SAMD15: variants seen among roughly 807,000 people sequenced by gnomAD.
SAMD15 encodes the protein sterile alpha motif domain containing 15.
SAMD15 carries 37 observed loss-of-function variants against 50.5 expected under a neutral mutation model. The observed-to-expected ratio is 0.73, with a 90% confidence interval of 0.56 to 0.96. The LOEUF (loss-of-function observed/expected upper bound fraction) is 0.96. SAMD15 is among the 40% of genes least tolerant of loss of function. The probability of loss-of-function intolerance (pLI) is 0.00; values close to 1 mark genes in which losing one functional copy is unlikely to be tolerated. For missense variants in SAMD15, 789 were observed against 783.8 expected (o/e 1.01, Z -0.08); for synonymous variants, 255 against 282.8 (o/e 0.90, Z 0.99).
At chr14:77,381,379 G>A (rs962265574) in intron 2 of SAMD15, among the ~76,000 whole-genome samples, 4 of 152,100 alleles carry the variant, frequency 2.6e-5, no homozygotes, top group Non-Finnish European at 5.9e-5. Flanking sequence ...ACAATCTCAC[G>A]TGTAACCTCT....
At chr14:77,388,257 G>A (rs7155063) in intron 2 of SAMD15, among the ~76,000 whole-genome samples, 44,649 of 151,998 alleles carry the variant, frequency 0.29, 7,224 homozygotes, top group African/African-American at 0.42. Context: ...GCATTGGAAA[G>A]GAGAATCAGG....
intron 2 of SAMD15, among the ~76,000 whole-genome samples, chr14:77,390,026 G>A (rs1306205553): frequency 3.3e-5 from 5 of 149,484 alleles, no homozygotes; most frequent in Admixed American, 1.3e-4. Context: ...ATGGAGTTTC[G>A]CTCTTGTTGC....
chr14:77,383,792 T>A (rs978479895), intron 2 of SAMD15, among the ~76,000 whole-genome samples: 50 of 152,084 alleles, frequency 3.3e-4, no homozygotes, highest in African/African-American at 1.2e-3. Context: ...ATGGTGAAAC[T>A]TCTTCTCTAC....
At chr14:77,387,660 T>TA (rs931177077) in intron 2 of SAMD15, among the ~76,000 whole-genome samples, 15 of 151,666 alleles carry the variant, frequency 9.9e-5, no homozygotes, top group South Asian at 2.1e-4. Flanking sequence ...CCAAGAGCCA[T>TA]AAAAAAAACC....
chr14:77,387,141 G>C (rs372595595), intron 2 of SAMD15, among the ~76,000 whole-genome samples: 1 of 152,164 alleles, frequency 6.6e-6, no homozygotes, highest in East Asian at 1.9e-4. Flanking sequence ...TTGTTCATCA[G>C]AACTAGAGAG....
intron 2 of SAMD15, among the ~76,000 whole-genome samples, chr14:77,382,281 C>A (rs1028033343): frequency 6.6e-6 from 1 of 151,920 alleles, no homozygotes; most frequent in African/African-American, 2.4e-5. Context: ...CGTGGCACCA[C>A]GCCCAGCTAA....
intron 2 of SAMD15, among the ~76,000 whole-genome samples, chr14:77,387,707 G>A (rs146967806): frequency 6.6e-6 from 1 of 152,168 alleles, no homozygotes; most frequent in African/African-American, 2.4e-5. Flanking sequence ...GAGGGAATAT[G>A]AGTAGATTAT....
intron 2 of SAMD15, among the ~76,000 whole-genome samples, chr14:77,389,389 G>C (rs1166021557): frequency 6.6e-6 from 1 of 151,680 alleles, no homozygotes; most frequent in East Asian, 1.9e-4. Flanking sequence ...CTGTGTTCTA[G>C]CAGCAATTCC....
intron 2 of SAMD15, among the ~76,000 whole-genome samples, chr14:77,387,442 A>G (rs1894017231): frequency 6.6e-6 from 1 of 151,040 alleles, no homozygotes; most frequent in Non-Finnish European, 1.5e-5. Context: ...TCTCAAAAAG[A>G]ATAATAACTA....
intron 1 of SAMD15, among the ~76,000 whole-genome samples, chr14:77,380,107 G>C (rs1317213396): frequency 6.6e-6 from 1 of 152,164 alleles, no homozygotes; most frequent in Non-Finnish European, 1.5e-5. Context: ...AAATTGTGCC[G>C]TTATTGGGAT....
Position 77,391,065 on chromosome 14 carries a change from T to G in SAMD15, c.1846T>G (p.Ser616Ala). The G allele has an allele frequency of 1.9e-6, 3 of 1,614,108 alleles. No homozygotes were observed. Among genetic ancestry groups the G allele is most frequent in the Non-Finnish European group, 2.5e-6 (3 of 1,179,968 alleles). The change falls in exon 3 of 3, where the codon TCC (serine) becomes GCC (alanine). Residue 616 changes from serine to alanine, a missense_variant. Physicochemically the swap from Ser to Ala is moderately conservative, Grantham distance 99. Coordinates refer to ENST00000216471, the MANE Select transcript of SAMD15 (RefSeq NM_001010860.4). ...LEIEEPLFKR[S>A]ISLPYRDIIG... ...AATTGAAGAGCCATTATTCAAACGC[T>G]CCATCAGCCTTCCCTATAGGGATAT... is the stretch of plus-strand genomic sequence containing the variant.
chr14:77,384,288 A>G (rs1180606365), intron 2 of SAMD15, among the ~76,000 whole-genome samples: 1 of 152,128 alleles, frequency 6.6e-6, no homozygotes, highest in East Asian at 1.9e-4. Context: ...TCTGAACAGC[A>G]TTGCCACTGT....
chr14:77,381,587 C>T (rs188002452), intron 2 of SAMD15, among the ~76,000 whole-genome samples: 1 of 152,300 alleles, frequency 6.6e-6, no homozygotes, highest in Non-Finnish European at 1.5e-5. Flanking sequence ...TTCATTAGGG[C>T]TGGGTAGGCC....
At chr14:77,389,349 AC>A (rs201593797) in intron 2 of SAMD15, among the ~76,000 whole-genome samples, 8 of 151,306 alleles carry the variant, frequency 5.3e-5, no homozygotes, top group Admixed American at 2.6e-4. Context: ...AAAAAAAACA[AC>A]AAAAAAGTCC....
chr14:77,391,282 A>G lies in SAMD15; in HGVS notation c.*38A>G. On this transcript the variant is annotated 3_prime_UTR_variant, in exon 3 of 3. Transcript: ENST00000216471. ...TCACAGAGCTTGAAAGATCAAACTA[A>G]ATTACTTGAGGGAAGAGGTATGGTC... The G allele has an allele frequency of 7.6e-7, 1 of 1,319,996 alleles. No individual in the cohort carries two copies. The highest frequency in any genetic ancestry group is 1.1e-6 in the Non-Finnish European group (1 of 931,190). The allele number at this position is 1,319,996 out of a possible 1,614,324, so 81.8% of individuals were successfully genotyped here.
intron 2 of SAMD15, among the ~76,000 whole-genome samples, chr14:77,389,328 C>A (rs1894044659): frequency 9.1e-6 from 1 of 109,484 alleles, no homozygotes. Context: ...TGACCAGTAG[C>A]TTTAAATTAA....
At chr14:77,385,658 C>T (rs1250500897) in intron 2 of SAMD15, among the ~76,000 whole-genome samples, 1 of 151,978 alleles carries the variant, frequency 6.6e-6, no homozygotes, top group East Asian at 1.9e-4. Context: ...ACAGATTTAC[C>T]CAATAGAGTT....
In SAMD15 at chr14:77,377,784, G is replaced by A. The variant is rs61990322; in HGVS notation, c.366G>A (p.Leu122=). 4,950 of 1,614,102 alleles carry A rather than the reference G, an allele frequency of 3.1e-3. 15 individuals carry two copies. Among genetic ancestry groups the A allele is most frequent in the South Asian group, 3.3e-3 (301 of 91,072 alleles). ...AGATGGGAGAGTTTTTCAAAGATTT[G>A]GAGGCCCCTATGGATGAAACGCATA... is the stretch of plus-strand genomic sequence containing the variant. ...SREMGEFFKD[L]EAPMDETHKE... Residue 122 remains leucine, a synonymous_variant, in exon 1 of 3, where the codon TTG becomes TTA. Transcript: ENST00000216471.
chr14:77,388,429 T>TGTGTGTG (rs1555361794), intron 2 of SAMD15, among the ~76,000 whole-genome samples: 4 of 99,254 alleles, frequency 4.0e-5, no homozygotes, highest in African/African-American at 1.8e-4. Flanking sequence ...GTGTGTGTGT[T>TGTGTGTG]TGCTTTTGGA....
Sources: allele counts gnomAD v4.1 joint callset (sites outside exome capture counted in the v4.1 genomes callset), GRCh38; gene constraint gnomAD v4.1.1; transcripts MANE v1.5; gene names NCBI Gene and HGNC (gene_info 2026-07-23, HGNC 2026-07-21).